The following GRIK2 variants were observed in gnomAD, a reference collection of about 807,000 sequenced individuals.
GRIK2 encodes glutamate ionotropic receptor kainate type subunit 2.
GRIK2 carries 32 observed loss-of-function variants against 100.3 expected under a neutral mutation model. The observed-to-expected ratio is 0.32, with a 90% CI of 0.24 to 0.43. The LOEUF is 0.43. Among genes scored for constraint, GRIK2 ranks in the 20% least tolerant of loss-of-function variants. The pLI, the probability that GRIK2 is intolerant of heterozygous loss-of-function variation, is 1.00. For synonymous variants in GRIK2, 417 were observed against 389.4 expected (o/e 1.07, Z -0.83); for missense variants, 843 against 1,114.9 (o/e 0.76, Z 3.47).
rs10528480 is a variant in GRIK2, at chr6:101,556,321, A to ATTTTTTTTTTTTTTTTTTTTT, written c.116-65617_116-65597dup. On this transcript the variant is annotated intron_variant, in intron 2 of 16. Coordinates refer to ENST00000369134, the MANE Select transcript of GRIK2 (RefSeq NM_021956.5). Reference sequence around the variant, plus strand: ...AATTGCACTATGTAATATATTGGTAATTTTTTTTTTTTTTTTTTTTTTTTT... The same window carrying ATTTTTTTTTTTTTTTTTTTTT: ...AATTGCACTATGTAATATATTGGTAATTTTTTTTTTTTTTTTTTTTTTTTTTTTTTTTTTTTTTTTTTTTTT... Among the ~76,000 whole-genome samples the ATTTTTTTTTTTTTTTTTTTTT allele has an allele frequency of 2.4e-3, 140 of 59,386 alleles. 39 individuals carry two copies. The highest frequency in any genetic ancestry group is 3.1e-3 in the Non-Finnish European group (85 of 27,406). The allele number at this position is 59,386 out of a possible 152,430, so 39.0% of individuals were successfully genotyped here. A position where few individuals can be genotyped will look rare whatever the true frequency, so the allele number is the denominator to read the frequency against.
At chr6:101,688,448 A>G (rs2128345225) in intron 7 of GRIK2, among the ~76,000 whole-genome samples, 1 of 152,062 alleles carries the variant, frequency 6.6e-6, no homozygotes, top group South Asian at 2.1e-4. Context: ...TAAACTATTG[A>G]AAGACAGATA....
At chr6:101,915,730 A>C (rs2128467243) in intron 12 of GRIK2, among the ~76,000 whole-genome samples, 1 of 151,498 alleles carries the variant, frequency 6.6e-6, no homozygotes, top group East Asian at 1.9e-4. Flanking sequence ...AAGTTACATG[A>C]CATTATGTTT....
intron 2 of GRIK2, among the ~76,000 whole-genome samples, chr6:101,508,858 A>G (rs1774150066): frequency 6.6e-6 from 1 of 152,062 alleles, no homozygotes; most frequent in Non-Finnish European, 1.5e-5. Flanking sequence ...TTTTCCATCT[A>G]TAAAATGGTG....
chr6:101,899,673 C>T (rs1161501849), intron 12 of GRIK2, among the ~76,000 whole-genome samples: 3 of 151,966 alleles, frequency 2.0e-5, no homozygotes, highest in Non-Finnish European at 2.9e-5. Context: ...ATGAGATGAA[C>T]GCATTTGCAG....
chr6:101,878,657 C>T (rs976054818), intron 11 of GRIK2, among the ~76,000 whole-genome samples: 3 of 151,938 alleles, frequency 2.0e-5, no homozygotes, highest in African/African-American at 7.2e-5. Context: ...TGACTTATCA[C>T]GCTTTCTCTT....
At chr6:101,946,911 A>G (rs908093421) in intron 14 of GRIK2, among the ~76,000 whole-genome samples, 1 of 152,030 alleles carries the variant, frequency 6.6e-6, no homozygotes, top group Non-Finnish European at 1.5e-5. Flanking sequence ...TTAAATTTCT[A>G]CCCTCCCACA....
At chr6:101,524,852 C>T (rs1195102903) in intron 2 of GRIK2, among the ~76,000 whole-genome samples, 2 of 151,912 alleles carry the variant, frequency 1.3e-5, no homozygotes, top group Non-Finnish European at 2.9e-5. Flanking sequence ...CAACCTCAGA[C>T]TTCCGAGTAG....
At chr6:101,473,761 G>A (rs1225105477) in intron 2 of GRIK2, among the ~76,000 whole-genome samples, 1 of 151,716 alleles carries the variant, frequency 6.6e-6, no homozygotes, top group Non-Finnish European at 1.5e-5. Flanking sequence ...TTATTTATCT[G>A]CTCTGTCATA....
chr6:102,031,236 A>G (rs996337600), intron 14 of GRIK2, among the ~76,000 whole-genome samples: 3 of 150,844 alleles, frequency 2.0e-5, no homozygotes, highest in African/African-American at 7.3e-5. Flanking sequence ...TTTTACATCC[A>G]TTGTAGTCTT....
intron 2 of GRIK2, among the ~76,000 whole-genome samples, chr6:101,576,079 T>C (rs1309956565): frequency 1.3e-5 from 2 of 152,212 alleles, no homozygotes; most frequent in East Asian, 1.9e-4. Context: ...CATATTATGA[T>C]ATATGATATT....
chr6:101,621,410 C>T (rs997152159), intron 2 of GRIK2, among the ~76,000 whole-genome samples: 1 of 152,012 alleles, frequency 6.6e-6, no homozygotes, highest in Non-Finnish European at 1.5e-5. Flanking sequence ...GCTGTGATCG[C>T]TCCTCTGCAC....
At chr6:101,617,692 A>G (rs982541143) in intron 2 of GRIK2, among the ~76,000 whole-genome samples, 4 of 151,796 alleles carry the variant, frequency 2.6e-5, no homozygotes, top group Admixed American at 2.0e-4. Context: ...ATACCATGAA[A>G]TTGATCACTT....
rs1426375991 is a variant in GRIK2, at chr6:101,399,370, A to G, written c.93A>G (p.Gly31=). 3.9e-6 allele frequency: 6 copies of G among 1,550,892 alleles called. No homozygotes were observed. Among genetic ancestry groups the G allele is most frequent in the Non-Finnish European group, 5.3e-6 (6 of 1,122,478 alleles). ...LCLLWIGYSQ[G]TTHVLRFGGI... Reference sequence around the variant, plus strand: ...TACTGTGGATTGGATATTCTCAAGGAACCACACATGTATTAAGATTTGGTA... The same window carrying G: ...TACTGTGGATTGGATATTCTCAAGGGACCACACATGTATTAAGATTTGGTA... The change falls in exon 2 of 17, where the codon GGA becomes GGG. Residue 31 remains glycine (G), a synonymous_variant. Coordinates refer to ENST00000369134, the MANE Select transcript of GRIK2 (RefSeq NM_021956.5).
At chr6:101,696,711 A>G (rs1232143398) in intron 7 of GRIK2, among the ~76,000 whole-genome samples, 2 of 151,864 alleles carry the variant, frequency 1.3e-5, no homozygotes, top group African/African-American at 2.4e-5. Context: ...GGCAGTTATC[A>G]TCTTCATTTT....
intron 14 of GRIK2, among the ~76,000 whole-genome samples, chr6:102,002,250 TG>T (rs1316820382): frequency 6.7e-6 from 1 of 149,582 alleles, no homozygotes; most frequent in Non-Finnish European, 1.5e-5. Context: ...TTAAGCTAAA[TG>T]CCTGGATTAT....
At chr6:101,416,242 C>T (rs1776133922) in intron 2 of GRIK2, among the ~76,000 whole-genome samples, 1 of 152,162 alleles carries the variant, frequency 6.6e-6, no homozygotes, top group Non-Finnish European at 1.5e-5. Flanking sequence ...TAGATGGGAA[C>T]TTACGGGATA....
intron 14 of GRIK2, among the ~76,000 whole-genome samples, chr6:101,960,196 GTTTTTTT>G (rs1562512374): frequency 0.016 from 2,466 of 150,282 alleles, 68 homozygotes; most frequent in African/African-American, 0.058. Context: ...CAGAAGTTCT[GTTTTTTT>G]AAAAATTATC....
chr6:102,039,666 T>C (rs1770463758), intron 15 of GRIK2, among the ~76,000 whole-genome samples: 1 of 151,504 alleles, frequency 6.6e-6, no homozygotes, highest in Admixed American at 6.6e-5. Flanking sequence ...GCCTTCTTGG[T>C]TTCTCTTTTT....
chr6:101,782,013 CTTTAT>C (rs751522000), intron 7 of GRIK2, among the ~76,000 whole-genome samples: 1 of 151,992 alleles, frequency 6.6e-6, no homozygotes, highest in African/African-American at 2.4e-5. Context: ...CTGGAGTCCC[CTTTAT>C]TTTATTTTAT....
Sources: gnomAD v4.1 joint callset for allele counts (sites outside exome capture counted in the v4.1 genomes callset) on GRCh38, gnomAD v4.1.1 for gene constraint, MANE v1.5 for transcripts, NCBI Gene and HGNC (gene_info 2026-07-23, HGNC 2026-07-21) for gene names.